Variants in HSD17B12 observed in about 807,000 individuals in gnomAD.
HSD17B12 encodes very-long-chain 3-oxoacyl-CoA reductase.
In HSD17B12, 32 loss-of-function variants were observed where a neutral mutation model predicts 39.3. The ratio of observed to expected loss-of-function variants is 0.81; its 90% CI spans 0.61 to 1.09. HSD17B12 has a LOEUF of 1.09. HSD17B12 is among the 50% of genes least tolerant of loss of function. The pLI is 0.00. For missense variants in HSD17B12, 342 were observed against 382.9 expected, an observed-to-expected ratio of 0.89 and a Z score of 0.89; for synonymous variants, 150 against 146.7, an observed-to-expected ratio of 1.02 and a Z score of -0.16.
intron 3 of HSD17B12, among the ~76,000 whole-genome samples, chr11:43,774,997 C>T (rs1034978505): frequency 6.6e-6 from 1 of 152,156 alleles, no homozygotes; most frequent in African/African-American, 2.4e-5. Flanking sequence ...GTGGGCCTCA[C>T]CCAATCAGGT....
At chr11:43,750,147 TAC>T (rs1240588394) in intron 1 of HSD17B12, among the ~76,000 whole-genome samples, 1 of 152,082 alleles carries the variant, frequency 6.6e-6, no homozygotes, top group East Asian at 1.9e-4. Flanking sequence ...TCAGTGAATC[TAC>T]ACACACACAG....
chr11:43,718,869 C>A (rs1950150706), intron 1 of HSD17B12: 5 of 886,830 alleles, frequency 5.6e-6, no homozygotes, highest in South Asian at 1.3e-5. Flanking sequence ...CGGAAAAGCA[C>A]CCTCAGGAGA....
intron 10 of HSD17B12, 59 bp downstream of exon 10, chr11:43,854,923 T>G (rs921454950): frequency 1.3e-6 from 2 of 1,551,414 alleles, no homozygotes; most frequent in African/African-American, 2.7e-5. Flanking sequence ...TCTTTCCCAT[T>G]GAGTTACAGG....
At chr11:43,734,082 A>G in intron 1 of HSD17B12, 1 of 1,018,980 alleles carries the variant, frequency 9.8e-7, no homozygotes, top group Non-Finnish European at 1.5e-6. Flanking sequence ...CTTCACCAGC[A>G]TCGGAGAGGA....
chr11:43,724,964 A>G (rs1442117591), intron 1 of HSD17B12, among the ~76,000 whole-genome samples: 1 of 152,160 alleles, frequency 6.6e-6, no homozygotes, highest in Non-Finnish European at 1.5e-5. Flanking sequence ...CCAGAGCAGG[A>G]TTGGTATTCA....
At chr11:43,778,768 T>G (rs1950736262) in intron 3 of HSD17B12, among the ~76,000 whole-genome samples, 1 of 152,032 alleles carries the variant, frequency 6.6e-6, no homozygotes, top group South Asian at 2.1e-4. Context: ...AGAAAAGGCC[T>G]TTGACAAAAT....
intron 3 of HSD17B12, 44 bp downstream of exon 3, chr11:43,754,165 GT>G: frequency 1.5e-6 from 2 of 1,323,210 alleles, no homozygotes; most frequent in Non-Finnish European, 2.2e-6. Flanking sequence ...GCTAATTAAT[GT>G]TTTCAAGCAG....
chr11:43,846,089 C>T (rs1237543703), intron 9 of HSD17B12, among the ~76,000 whole-genome samples: 3 of 152,334 alleles, frequency 2.0e-5, no homozygotes, highest in South Asian at 2.1e-4. Context: ...TTGGAGTCAG[C>T]AGACCAAGGT....
the HSD17B12 span, among the ~76,000 whole-genome samples, chr11:43,668,691 T>C: frequency 6.6e-6 from 1 of 151,730 alleles, no homozygotes; most frequent in East Asian, 1.9e-4. Flanking sequence ...GAATTAAAGG[T>C]TTTTCAATAA....
the HSD17B12 span, among the ~76,000 whole-genome samples, chr11:43,580,805 C>T: frequency 2.0e-5 from 3 of 152,046 alleles, no homozygotes; most frequent in East Asian, 5.8e-4. Flanking sequence ...TTTTCTCCCT[C>T]CCCCTTCTGA....
At chr11:43,833,274 T>C (rs775271413) in intron 7 of HSD17B12, 6 of 152,174 alleles carry the variant, frequency 3.9e-5, no homozygotes, top group Non-Finnish European at 7.3e-5. Flanking sequence ...CAAGGTAAGC[T>C]ACCTGCTGAA....
intron 1 of HSD17B12, among the ~76,000 whole-genome samples, chr11:43,726,031 T>C (rs1950217349): frequency 1.3e-5 from 2 of 152,156 alleles, no homozygotes; most frequent in Admixed American, 1.3e-4. Flanking sequence ...CAGTTAACAA[T>C]CAAATAATAA....
chr11:43,650,221 A>G, the HSD17B12 span, among the ~76,000 whole-genome samples: 1 of 152,230 alleles, frequency 6.6e-6, no homozygotes, highest in Non-Finnish European at 1.5e-5. Context: ...ATAAGGAACT[A>G]GTATCTACAA....
chr11:43,812,298 T>A (rs1244255666), intron 4 of HSD17B12, among the ~76,000 whole-genome samples: 3 of 152,206 alleles, frequency 2.0e-5, no homozygotes, highest in African/African-American at 7.2e-5. Context: ...ACCTCCATAC[T>A]GTTTTCCACA....
chr11:43,750,572 T>G (rs1319494222), intron 1 of HSD17B12, among the ~76,000 whole-genome samples: 1 of 152,180 alleles, frequency 6.6e-6, no homozygotes, highest in Non-Finnish European at 1.5e-5. Context: ...AATGCATTTC[T>G]GTCTCTTGAG....
the HSD17B12 span, among the ~76,000 whole-genome samples, chr11:43,671,220 AGT>A: frequency 6.6e-6 from 1 of 152,130 alleles, no homozygotes; most frequent in African/African-American, 2.4e-5. Flanking sequence ...GCTGGAGTGC[AGT>A]GGCGCCATCT....
chr11:43,727,942 C>T (rs1179176409), intron 1 of HSD17B12, among the ~76,000 whole-genome samples: 1 of 151,954 alleles, frequency 6.6e-6, no homozygotes, highest in Non-Finnish European at 1.5e-5. Context: ...TTCTGGAAAA[C>T]TTGAGTTTAT....
chr11:43,589,421 G>A, the HSD17B12 span, among the ~76,000 whole-genome samples: 8 of 152,160 alleles, frequency 5.3e-5, no homozygotes, highest in African/African-American at 1.9e-4. Context: ...AAACACCAGG[G>A]CCACCAATTG....
At chr11:43,684,189 T>C (rs944124217) in intron 1 of HSD17B12, among the ~76,000 whole-genome samples, 10 of 152,222 alleles carry the variant, frequency 6.6e-5, no homozygotes, top group Non-Finnish European at 1.5e-4. Flanking sequence ...CCTATACCCC[T>C]AGAAGGTGGG....
Sources: allele counts gnomAD v4.1 joint callset (sites outside exome capture counted in the v4.1 genomes callset), GRCh38; gene constraint gnomAD v4.1.1; transcripts MANE v1.5; gene names NCBI Gene and HGNC (gene_info 2026-07-23, HGNC 2026-07-21).